PARVA: variants seen among roughly 807,000 people sequenced by gnomAD.
The protein encoded by PARVA is alpha-parvin.
PARVA carries 25 observed loss-of-function variants against 52.6 expected under a neutral mutation model. The ratio of observed to expected loss-of-function variants is 0.48; its 90% CI spans 0.35 to 0.66. The LOEUF is 0.66. PARVA is among the 30% of genes least tolerant of loss of function. The probability of loss-of-function intolerance (pLI) is 0.01; values close to 1 mark genes in which losing one functional copy is unlikely to be tolerated. For missense variants in PARVA, 373 were observed against 450.9 expected, an observed-to-expected ratio of 0.83 and a Z score of 1.56; for synonymous variants, 185 against 179.1, an observed-to-expected ratio of 1.03 and a Z score of -0.26.
intron 4 of PARVA, among the ~76,000 whole-genome samples, chr11:12,488,173 G>A (rs1941186569): frequency 6.6e-6 from 1 of 152,110 alleles, no homozygotes; most frequent in Non-Finnish European, 1.5e-5. Context: ...CAGAGATGTG[G>A]TATTAGGGAC....
chr11:12,508,660 T>C lies in PARVA; in HGVS notation c.716+18T>C, dbSNP rs143053221. ...AACACAGAGTATGTCAACACCATTG[T>C]TGCCAGCGATTCTGTAATGGAACAC... On this transcript the variant is annotated intron_variant, in intron 7 of 12. Coordinates refer to ENST00000334956, the MANE Select transcript of PARVA (RefSeq NM_018222.5). 2.6e-6 allele frequency: 4 copies of C among 1,566,018 alleles called. No homozygotes were observed. The African/African-American group carries it at 5.4e-5, about 21-fold the overall frequency.
intron 1 of PARVA, among the ~76,000 whole-genome samples, chr11:12,421,500 G>A (rs1416015068): frequency 6.6e-6 from 1 of 152,080 alleles, no homozygotes; most frequent in African/African-American, 2.4e-5. Flanking sequence ...TACCTTTGAA[G>A]TGATTGCAGA....
At position 12,517,607 on chromosome 11, in the gene PARVA, C is replaced by T. The variant is rs1350335038; in HGVS notation, c.868-3C>T. 8 of 1,586,398 alleles carry T rather than the reference C, an allele frequency of 5.0e-6. No homozygotes were observed. In the Admixed American group the frequency reaches 5.3e-5, roughly 11 times the overall value. On this transcript the variant is annotated splice_region_variant and splice_polypyrimidine_tract_variant and intron_variant, in intron 10 of 12. Transcript: ENST00000334956. ...CAGTGCCATCACCTGGCTCTTCCTCCAGTTTGCAGATGGGGTGTACCTGGT... is the reference window on the plus strand; with the variant it reads ...CAGTGCCATCACCTGGCTCTTCCTCTAGTTTGCAGATGGGGTGTACCTGGT...
intron 1 of PARVA, among the ~76,000 whole-genome samples, chr11:12,470,818 T>C (rs186443988): frequency 4.1e-4 from 63 of 152,280 alleles, no homozygotes; most frequent in Admixed American, 3.3e-3. Context: ...GAATGTATGA[T>C]CCTATTTACA....
intron 1 of PARVA, among the ~76,000 whole-genome samples, chr11:12,388,568 T>G (rs945873431): frequency 8.5e-5 from 13 of 152,190 alleles, no homozygotes; most frequent in African/African-American, 3.1e-4. Context: ...TTCCCCATTA[T>G]AAAATTAGCC....
chr11:12,428,684 G>A (rs1940272381), intron 1 of PARVA, among the ~76,000 whole-genome samples: 1 of 152,206 alleles, frequency 6.6e-6, no homozygotes, highest in Non-Finnish European at 1.5e-5. Context: ...GTCGGGTGCA[G>A]AGGTCGAGAT....
intron 12 of PARVA, among the ~76,000 whole-genome samples, chr11:12,523,349 T>C (rs1249645619): frequency 2.0e-5 from 3 of 152,102 alleles, no homozygotes; most frequent in Non-Finnish European, 4.4e-5. Flanking sequence ...CCCCACCAGC[T>C]GCCAGCCCTG....
intron 1 of PARVA, among the ~76,000 whole-genome samples, chr11:12,457,021 C>G (rs1940706500): frequency 6.6e-6 from 1 of 152,156 alleles, no homozygotes; most frequent in East Asian, 1.9e-4. Flanking sequence ...CCACTCTATG[C>G]TTATATTGTG....
intron 4 of PARVA, among the ~76,000 whole-genome samples, chr11:12,485,375 A>C (rs1589976191): frequency 6.6e-6 from 1 of 152,238 alleles, no homozygotes; most frequent in Non-Finnish European, 1.5e-5. Flanking sequence ...CAACAGGAGA[A>C]ACCAGGACTT....
intron 6 of PARVA, among the ~76,000 whole-genome samples, chr11:12,506,644 G>C (rs1941434618): frequency 1.3e-5 from 2 of 152,208 alleles, no homozygotes; most frequent in African/African-American, 4.8e-5. Flanking sequence ...TCTCCTGTAG[G>C]CTGTTTTGTT....
At position 12,530,727 on chromosome 11, in the gene PARVA, C is replaced by T. The variant is rs200834144; in HGVS notation, c.*2802C>T. The stretch of plus-strand genomic sequence containing the variant: ...TACTGTCATACACTTTGTTTTTTAT[C>T]ACTTAATGTTATATCTTGGATATTG... On this transcript the variant is annotated 3_prime_UTR_variant, in exon 13 of 13. Transcript: ENST00000334956. 6.6e-6 allele frequency: 1 copy of T among 151,516 alleles called. No individual in the cohort carries two copies. Among genetic ancestry groups the T allele is most frequent in the Admixed American group, 6.6e-5 (1 of 15,236 alleles). The allele number at this position is 151,516 out of a possible 1,614,324, so 9.4% of individuals were successfully genotyped here. A position where few individuals can be genotyped will look rare whatever the true frequency, so the allele number is the denominator to read the frequency against.
chr11:12,430,808 G>A (rs1339967263), intron 1 of PARVA, among the ~76,000 whole-genome samples: 1 of 152,148 alleles, frequency 6.6e-6, no homozygotes, highest in African/African-American at 2.4e-5. Flanking sequence ...GTTCCCTCCT[G>A]ATCTCACCTC....
rs139815321 is a variant in PARVA, at chr11:12,419,717, T to C, written c.136+41934T>C. The stretch of plus-strand genomic sequence containing the variant: ...ACTGTTTTCCACAGTAGCTGCACCA[T>C]TTTACATTCCACAGCAGGGCACAAG... On this transcript the variant is annotated intron_variant, in intron 1 of 12. Coordinates refer to ENST00000334956, the MANE Select transcript of PARVA (RefSeq NM_018222.5). Among the ~76,000 whole-genome samples, 36 of 152,312 alleles carry C rather than the reference T, an allele frequency of 2.4e-4. No individual in the cohort carries two copies. The East Asian group carries it at 6.8e-3, about 29-fold the overall frequency.
chr11:12,471,560 G>A (rs1343211367), intron 1 of PARVA, among the ~76,000 whole-genome samples: 1 of 149,108 alleles, frequency 6.7e-6, no homozygotes, highest in African/African-American at 2.5e-5. Context: ...TTGCAGCGAC[G>A]TGGATGGAGC....
intron 6 of PARVA, among the ~76,000 whole-genome samples, chr11:12,507,989 TGGAC>T (rs545349593): frequency 1.3e-5 from 2 of 149,864 alleles, no homozygotes; most frequent in East Asian, 2.0e-4. Context: ...GATGGATGGA[TGGAC>T]GGACGGACGG....
At chr11:12,447,280 T>TGGGGTC (rs1339662421) in intron 1 of PARVA, among the ~76,000 whole-genome samples, 7 of 152,074 alleles carry the variant, frequency 4.6e-5, no homozygotes, top group Admixed American at 4.6e-4. Flanking sequence ...AAAGTGAGGG[T>TGGGGTC]GGGGTCAGGA....
chr11:12,476,499 A>G (rs1180906086), intron 3 of PARVA, among the ~76,000 whole-genome samples: 1 of 144,332 alleles, frequency 6.9e-6, no homozygotes, highest in African/African-American at 2.6e-5. Context: ...CCTCAAAAGG[A>G]AAAAAAAAAA....
In PARVA at chr11:12,395,787, C is replaced by A. The variant is rs558172066; in HGVS notation, c.136+18004C>A. 1.2e-3 allele frequency among the ~76,000 whole-genome samples: 176 copies of A among 152,240 alleles called. 1 individual carries two copies. Among genetic ancestry groups the A allele is most frequent in the African/African-American group, 3.8e-3 (156 of 41,548 alleles). On this transcript the variant is annotated intron_variant, in intron 1 of 12. Transcript: ENST00000334956. ...AACACTTGGCAGCCCAGCTTCTGAC[C>A]CAATGCAAATTAAGCCTGGCATTTG...
chr11:12,531,983 A>T lies in PARVA; in HGVS notation c.*4058A>T, dbSNP rs1941777839. 1.3e-5 allele frequency among the ~76,000 whole-genome samples: 2 copies of T among 152,180 alleles called. No individual in the cohort carries two copies. On this transcript the variant is annotated 3_prime_UTR_variant, in exon 13 of 13. Coordinates refer to ENST00000334956, the MANE Select transcript of PARVA (RefSeq NM_018222.5). Reference sequence around the variant, plus strand: ...TACAAAGGCTACATTTACAAATACCAGAGTTTCGACTGTGTTTTTACTCTC... The same window carrying T: ...TACAAAGGCTACATTTACAAATACCTGAGTTTCGACTGTGTTTTTACTCTC...
Sources: gnomAD v4.1 joint callset for allele counts (sites outside exome capture counted in the v4.1 genomes callset) on GRCh38, gnomAD v4.1.1 for gene constraint, MANE v1.5 for transcripts, NCBI Gene and HGNC (gene_info 2026-07-23, HGNC 2026-07-21) for gene names.